Variants in TENM2 observed in about 807,000 individuals in gnomAD.
The protein encoded by TENM2 is teneurin-2.
TENM2 carries 52 observed loss-of-function variants against 245.2 expected under a neutral mutation model. That is an observed-to-expected ratio of 0.21 (90% confidence interval 0.17 to 0.27). The LOEUF is 0.27. TENM2 is among the 10% of genes least tolerant of loss of function. The pLI is 1.00. For missense variants in TENM2, 3,046 were observed against 3,666.8 expected (o/e 0.83, Z 4.37); for synonymous variants, 1,363 against 1,438.9 (o/e 0.95, Z 1.19).
At chr5:167,495,442 T>C (rs1001621282) in intron 2 of TENM2, among the ~76,000 whole-genome samples, 1 of 152,044 alleles carries the variant, frequency 6.6e-6, no homozygotes, top group Non-Finnish European at 1.5e-5. Flanking sequence ...GAGGTGTCTT[T>C]TATGACCCAA....
At chr5:167,402,771 C>T (rs994083237) in intron 2 of TENM2, among the ~76,000 whole-genome samples, 44 of 152,160 alleles carry the variant, frequency 2.9e-4, no homozygotes, top group African/African-American at 9.9e-4. Flanking sequence ...GATTTTCAAA[C>T]GAAAACTGCT....
chr5:168,068,189 G>A (rs1790673585), intron 7 of TENM2, among the ~76,000 whole-genome samples: 1 of 152,112 alleles, frequency 6.6e-6, no homozygotes, highest in Non-Finnish European at 1.5e-5. Flanking sequence ...CTTGAGTCTG[G>A]AAAGAGAACC....
intron 5 of TENM2, among the ~76,000 whole-genome samples, chr5:168,005,832 A>G (rs535772486): frequency 9.9e-5 from 15 of 152,198 alleles, no homozygotes; most frequent in Non-Finnish European, 1.6e-4. Flanking sequence ...GACAGAGAGT[A>G]TTTTTTGTGC....
chr5:167,929,539 A>G (rs971681875), intron 3 of TENM2, among the ~76,000 whole-genome samples: 3 of 152,210 alleles, frequency 2.0e-5, no homozygotes, highest in Non-Finnish European at 4.4e-5. Flanking sequence ...CTCCTCAAGG[A>G]TAAGGACTAT....
intron 2 of TENM2, among the ~76,000 whole-genome samples, chr5:167,637,351 T>C (rs972079655): frequency 2.0e-5 from 3 of 152,012 alleles, no homozygotes; most frequent in African/African-American, 7.3e-5. Flanking sequence ...TCAATTCAAG[T>C]AAGAAAATGC....
chr5:167,908,922 TCTG>T (rs1420152614), intron 3 of TENM2, among the ~76,000 whole-genome samples: 1 of 152,056 alleles, frequency 6.6e-6, no homozygotes, highest in Non-Finnish European at 1.5e-5. Context: ...AGGCCCATAA[TCTG>T]CTGAATAGAG....
At chr5:167,505,072 G>A (rs537936626) in intron 2 of TENM2, among the ~76,000 whole-genome samples, 1 of 152,242 alleles carries the variant, frequency 6.6e-6, no homozygotes, top group South Asian at 2.1e-4. Flanking sequence ...TGCGTTTATT[G>A]GCGGGGATGG....
At chr5:167,273,083 T>A in the TENM2 span, among the ~76,000 whole-genome samples, 832 of 152,212 alleles carry the variant, frequency 5.5e-3, 16 homozygotes, top group East Asian at 0.058. Flanking sequence ...CCTTAAGTAG[T>A]AGGATATTCT....
intron 23 of TENM2, among the ~76,000 whole-genome samples, chr5:168,220,517 A>G (rs1047010241): frequency 1.5e-4 from 23 of 152,222 alleles, no homozygotes; most frequent in African/African-American, 5.5e-4. Context: ...TTTTATCTTA[A>G]TTTGATAAGC....
intron 13 of TENM2, among the ~76,000 whole-genome samples, chr5:168,176,531 C>T (rs893575640): frequency 2.0e-5 from 3 of 152,204 alleles, no homozygotes; most frequent in Non-Finnish European, 4.4e-5. Flanking sequence ...GAGAAGCCCT[C>T]CCTGCCCTCC....
At chr5:167,186,183 GT>G in the TENM2 span, among the ~76,000 whole-genome samples, 1 of 152,074 alleles carries the variant, frequency 6.6e-6, no homozygotes, top group Non-Finnish European at 1.5e-5. Context: ...TGCTTTGAAA[GT>G]TTATGTGAAG....
intron 2 of TENM2, among the ~76,000 whole-genome samples, chr5:167,449,776 A>T (rs1350229338): frequency 6.6e-6 from 1 of 152,072 alleles, no homozygotes; most frequent in Non-Finnish European, 1.5e-5. Flanking sequence ...TCACCAATAC[A>T]GTGAAGCCCT....
At chr5:168,083,280 C>T (rs1181822063) in intron 7 of TENM2, among the ~76,000 whole-genome samples, 5 of 152,180 alleles carry the variant, frequency 3.3e-5, no homozygotes, top group East Asian at 1.9e-4. Context: ...CCTGGTGTGC[C>T]GTTTGCTAAG....
intron 5 of TENM2, among the ~76,000 whole-genome samples, chr5:168,033,435 C>T (rs1025354430): frequency 1.3e-5 from 2 of 152,002 alleles, no homozygotes; most frequent in African/African-American, 4.8e-5. Flanking sequence ...AGTGAGGATA[C>T]TTGCTACCTC....
intron 1 of TENM2, among the ~76,000 whole-genome samples, chr5:167,352,242 A>T (rs956715851): frequency 6.6e-6 from 1 of 152,044 alleles, no homozygotes; most frequent in Non-Finnish European, 1.5e-5. Flanking sequence ...ACTCTTTCCT[A>T]TTTTTCCACA....
intron 2 of TENM2, among the ~76,000 whole-genome samples, chr5:167,846,606 T>C (rs1770061936): frequency 6.6e-6 from 1 of 152,048 alleles, no homozygotes; most frequent in South Asian, 2.1e-4. Context: ...CAGAGAAAAA[T>C]GCTTCAATGT....
chr5:167,373,010 T>C (rs891231185), intron 1 of TENM2, among the ~76,000 whole-genome samples: 1 of 152,204 alleles, frequency 6.6e-6, no homozygotes, highest in Non-Finnish European at 1.5e-5. Context: ...CAGCAGCACT[T>C]AGCAGTGTGC....
intron 5 of TENM2, among the ~76,000 whole-genome samples, chr5:168,019,544 G>A (rs1241402373): frequency 6.6e-6 from 1 of 152,188 alleles, no homozygotes; most frequent in Non-Finnish European, 1.5e-5. Context: ...GGAGACATCA[G>A]GCATAATTCA....
chr5:166,989,722 T>C, the TENM2 span, among the ~76,000 whole-genome samples: 1 of 151,376 alleles, frequency 6.6e-6, no homozygotes, highest in African/African-American at 2.4e-5. Flanking sequence ...CATTATTCCT[T>C]ATATGGAGAA....
Sources: gnomAD v4.1 joint callset for allele counts (sites outside exome capture counted in the v4.1 genomes callset) on GRCh38, gnomAD v4.1.1 for gene constraint, MANE v1.5 for transcripts, NCBI Gene and HGNC (gene_info 2026-07-23, HGNC 2026-07-21) for gene names.